GNAO1: variants seen among roughly 807,000 people sequenced by gnomAD.
GNAO1 encodes guanine nucleotide-binding protein G(o) subunit alpha.
For missense variants in GNAO1, 166 were observed against 478.7 expected, an observed-to-expected ratio of 0.35 and a Z score of 6.10; for synonymous variants, 164 against 180.7, an observed-to-expected ratio of 0.91 and a Z score of 0.74.
At chr16:56,320,747 G>A (rs2037563218) in intron 3 of GNAO1, among the ~76,000 whole-genome samples, 1 of 152,176 alleles carries the variant, frequency 6.6e-6, no homozygotes, top group Non-Finnish European at 1.5e-5. Context: ...TACATCCGAG[G>A]AAATGCAGTC....
intron 3 of GNAO1, among the ~76,000 whole-genome samples, chr16:56,317,730 G>A (rs79955893): frequency 0.013 from 2,005 of 152,182 alleles, 57 homozygotes; most frequent in African/African-American, 0.046. Context: ...GCTGGAGAAG[G>A]GATGATGGGT....
At chr16:56,347,436 C>A in intron 6 of GNAO1, 1 of 985,608 alleles carries the variant, frequency 1.0e-6, no homozygotes, top group Non-Finnish European at 1.2e-6. Flanking sequence ...GGTAGGGCTC[C>A]CCATCTCCCA....
chr16:56,354,548 C>T lies in GNAO1; in HGVS notation c.878-318C>T, dbSNP rs1182115475. Among the ~76,000 whole-genome samples the T allele has an allele frequency of 4.6e-5, 7 of 152,124 alleles. No individual in the cohort carries two copies. Among genetic ancestry groups the T allele is most frequent in the East Asian group, 1.9e-4 (1 of 5,182 alleles). ...AAAATTAGCTGGGCGTGGTGGCACG[C>T]GCCTGTATTACCAGCTACTCAGGAG... On this transcript the variant is annotated intron_variant, in intron 7 of 8. Coordinates refer to ENST00000262493, the MANE Select transcript of GNAO1 (RefSeq NM_020988.3). The surrounding 1 kb of genome is among the most constrained non-coding windows in gnomAD (Gnocchi z 4.3).
intron 4 of GNAO1, among the ~76,000 whole-genome samples, chr16:56,332,356 C>A (rs780805958): frequency 3.9e-5 from 6 of 152,208 alleles, no homozygotes; most frequent in Non-Finnish European, 7.3e-5. Flanking sequence ...AGTGTTTCCA[C>A]TGGGCCACTC....
intron 2 of GNAO1, among the ~76,000 whole-genome samples, chr16:56,224,423 A>G (rs527490872): frequency 3.2e-4 from 48 of 152,276 alleles, no homozygotes; most frequent in Non-Finnish European, 5.6e-4. Flanking sequence ...GCCCATGTTA[A>G]TACCTTCTGC....
intron 2 of GNAO1, among the ~76,000 whole-genome samples, chr16:56,250,019 G>T (rs1385010979): frequency 5.9e-5 from 9 of 152,188 alleles, no homozygotes; most frequent in African/African-American, 2.2e-4. Flanking sequence ...GGAAGAGAGA[G>T]AACAATGGTG....
chr16:56,201,493 A>G (rs151160416), intron 2 of GNAO1, among the ~76,000 whole-genome samples: 1 of 152,362 alleles, frequency 6.6e-6, no homozygotes, highest in African/African-American at 2.4e-5. Context: ...TATTCTGAAG[A>G]TAATGAGATG....
chr16:56,337,953 G>A (rs1003237931), intron 6 of GNAO1, among the ~76,000 whole-genome samples: 1 of 152,174 alleles, frequency 6.6e-6, no homozygotes, highest in South Asian at 2.1e-4. Context: ...CCCACCCCAC[G>A]CCTCTGAAGG....
intron 3 of GNAO1, among the ~76,000 whole-genome samples, chr16:56,295,343 G>A (rs1484565798): frequency 6.6e-6 from 1 of 152,118 alleles, no homozygotes; most frequent in Non-Finnish European, 1.5e-5. Context: ...TCTGAGCCTT[G>A]CTTTTCTGGT....
intron 3 of GNAO1, among the ~76,000 whole-genome samples, chr16:56,321,817 C>T (rs1414122169): frequency 1.3e-5 from 2 of 152,192 alleles, no homozygotes; most frequent in African/African-American, 2.4e-5. Context: ...GGCGGGAGCA[C>T]GCAGTGAGTT....
intron 2 of GNAO1, among the ~76,000 whole-genome samples, chr16:56,259,272 C>A (rs766648697): frequency 2.6e-5 from 4 of 152,244 alleles, no homozygotes; most frequent in Admixed American, 1.3e-4. Context: ...GGAACGTGAT[C>A]TGCACCAGTC....
chr16:56,242,238 A>C (rs1263664737), intron 2 of GNAO1, among the ~76,000 whole-genome samples: 2 of 152,214 alleles, frequency 1.3e-5, no homozygotes, highest in African/African-American at 4.8e-5. Flanking sequence ...TATTTATTGA[A>C]TATTCACCCC....
intron 2 of GNAO1, among the ~76,000 whole-genome samples, chr16:56,249,984 G>A (rs2036785133): frequency 6.6e-6 from 1 of 152,194 alleles, no homozygotes; most frequent in Non-Finnish European, 1.5e-5. Context: ...GGGACACCAG[G>A]ACACAGCTCA....
In GNAO1 at chr16:56,207,173, G is replaced by A. The variant is rs967410649; in HGVS notation, c.161+14557G>A. On this transcript the variant is annotated intron_variant, in intron 2 of 8. Coordinates refer to ENST00000262493, the MANE Select transcript of GNAO1 (RefSeq NM_020988.3). ...AAGAAACTGAGGCGAAAATAATTCAGTATAGCAGTGTGAAAGAAGCATGAA... is the reference window on the plus strand; with the variant it reads ...AAGAAACTGAGGCGAAAATAATTCAATATAGCAGTGTGAAAGAAGCATGAA... Among the ~76,000 whole-genome samples, 5 of 152,364 alleles carry A rather than the reference G, an allele frequency of 3.3e-5. No homozygotes were observed. In the South Asian group the frequency reaches 1.0e-3, roughly 32 times the overall value.
chr16:56,239,266 C>T (rs1396207089), intron 2 of GNAO1, among the ~76,000 whole-genome samples: 1 of 152,244 alleles, frequency 6.6e-6, no homozygotes, highest in African/African-American at 2.4e-5. Flanking sequence ...AAAATGCCCA[C>T]AAGCTTTGGC....
chr16:56,226,160 C>T (rs1033626595), intron 2 of GNAO1, among the ~76,000 whole-genome samples: 12 of 151,906 alleles, frequency 7.9e-5, no homozygotes, highest in African/African-American at 2.9e-4. Context: ...AGCAGGGAGA[C>T]CAAGGAGGGG....
intron 6 of GNAO1, chr16:56,345,473 G>A (rs1423014937): frequency 1.0e-6 from 1 of 985,444 alleles, no homozygotes; most frequent in Non-Finnish European, 1.2e-6. Flanking sequence ...AACAGCTCTG[G>A]ACTTGTTGGA....
chr16:56,209,831 C>G (rs1429629167), intron 2 of GNAO1, among the ~76,000 whole-genome samples: 1 of 152,048 alleles, frequency 6.6e-6, no homozygotes, highest in African/African-American at 2.4e-5. Flanking sequence ...CCCAGCCTCC[C>G]CCTTATCAGC....
At chr16:56,305,763 A>G (rs2037388853) in intron 3 of GNAO1, among the ~76,000 whole-genome samples, 1 of 152,174 alleles carries the variant, frequency 6.6e-6, no homozygotes, top group South Asian at 2.1e-4. Flanking sequence ...GTCTGAGATC[A>G]GGGTGCTGGC....
Sources: gnomAD v4.1 joint callset for allele counts (sites outside exome capture counted in the v4.1 genomes callset) on GRCh38, gnomAD v4.1.1 for gene constraint, Gnocchi (gnomAD v3.1) non-coding constraint, MANE v1.5 for transcripts, NCBI Gene and HGNC (gene_info 2026-07-23, HGNC 2026-07-21) for gene names.